Variants in SPPL2A observed in about 807,000 individuals in gnomAD.
The protein encoded by SPPL2A is signal peptide peptidase-like 2A.
Under a neutral mutation model 63.8 loss-of-function variants are expected in SPPL2A, and 51 were observed. That is an observed-to-expected ratio of 0.80 (90% CI 0.64 to 1.01). SPPL2A has a LOEUF of 1.01. Ranked by LOEUF, SPPL2A falls within the 50% of genes least tolerant of loss-of-function variation. The pLI, the probability that SPPL2A is intolerant of heterozygous loss-of-function variation, is 0.00. For synonymous variants in SPPL2A, 188 were observed against 205.8 expected, an observed-to-expected ratio of 0.91 and a Z score of 0.74; for missense variants, 553 against 622.7, an observed-to-expected ratio of 0.89 and a Z score of 1.19.
chr15:50,728,563 GTC>G (rs1469670471), intron 10 of SPPL2A, among the ~76,000 whole-genome samples: 1 of 151,832 alleles, frequency 6.6e-6, no homozygotes, highest in Admixed American at 6.6e-5. Context: ...AGCCAGGATG[GTC>G]TCAATCTCCT....
chr15:50,765,074 C>T (rs1190120557), intron 1 of SPPL2A, among the ~76,000 whole-genome samples: 4 of 151,806 alleles, frequency 2.6e-5, no homozygotes, highest in Non-Finnish European at 5.9e-5. Flanking sequence ...TTTTTTTCTT[C>T]CCAAGGGTAA....
chr15:50,739,435 T>A (rs1271758709), intron 6 of SPPL2A, among the ~76,000 whole-genome samples: 1 of 152,048 alleles, frequency 6.6e-6, no homozygotes, highest in Non-Finnish European at 1.5e-5. Context: ...CACTTTGGCC[T>A]CCCAAAGTGC....
intron 8 of SPPL2A, among the ~76,000 whole-genome samples, chr15:50,735,226 T>C (rs865826693): frequency 4.6e-5 from 7 of 152,132 alleles, no homozygotes; most frequent in Non-Finnish European, 7.4e-5. Flanking sequence ...CTTTTGTATC[T>C]GACTACTTTC....
At chr15:50,723,179 C>T (rs547200581) in intron 12 of SPPL2A, among the ~76,000 whole-genome samples, 18 of 152,070 alleles carry the variant, frequency 1.2e-4, no homozygotes, top group Non-Finnish European at 2.4e-4. Context: ...AGACGATGTA[C>T]CAAAAGGGAA....
chr15:50,730,859 G>A, intron 10 of SPPL2A, 106 bp downstream of exon 10: 1 of 606,766 alleles, frequency 1.6e-6, no homozygotes, highest in South Asian at 1.8e-5. Flanking sequence ...AAGAGAATTA[G>A]AATTCACTCA....
intron 13 of SPPL2A, among the ~76,000 whole-genome samples, chr15:50,720,503 A>T (rs1033535810): frequency 9.0e-5 from 13 of 145,170 alleles, no homozygotes; most frequent in Admixed American, 8.3e-4. Context: ...ATAAGCACAT[A>T]CTTTTGAACT....
chr15:50,710,699 T>C (rs1297312225), intron 14 of SPPL2A, among the ~76,000 whole-genome samples: 1 of 152,214 alleles, frequency 6.6e-6, no homozygotes, highest in Non-Finnish European at 1.5e-5. Context: ...CACTCATTAA[T>C]GCAGGGTAAC....
At chr15:50,765,383 G>T in intron 1 of SPPL2A, 85 bp downstream of exon 1, 2 of 1,074,480 alleles carry the variant, frequency 1.9e-6, no homozygotes, top group Non-Finnish European at 2.6e-6. Flanking sequence ...GGGAGGCCGG[G>T]CGAGGAGTAG....
Position 50,765,669 on chromosome 15 carries a change from A to C in SPPL2A, c.-136T>G. On this transcript the variant is annotated 5_prime_UTR_variant, in exon 1 of 15. Coordinates refer to ENST00000261854, the MANE Select transcript of SPPL2A (RefSeq NM_032802.4). ...GCGCGGGCGGCCGGGCTACGACTGG[A>C]CCGCCGCTGCTACAGCGGCCGCCAC... is the stretch of plus-strand genomic sequence containing the variant. 2.1e-6 allele frequency: 1 copy of C among 477,668 alleles called. No individual in the cohort carries two copies. Among genetic ancestry groups the C allele is most frequent in the Non-Finnish European group, 3.4e-6 (1 of 294,384 alleles). The allele number at this position is 477,668 out of a possible 1,614,324, so 29.6% of individuals were successfully genotyped here.
intron 6 of SPPL2A, among the ~76,000 whole-genome samples, chr15:50,737,101 G>A (rs538224641): frequency 2.6e-5 from 4 of 152,098 alleles, no homozygotes; most frequent in African/African-American, 7.2e-5. Context: ...TTTAGTAGAC[G>A]GGGTTTTGTC....
intron 6 of SPPL2A, among the ~76,000 whole-genome samples, 196 bp from the exon 7 acceptor site, chr15:50,736,936 C>G (rs1465623029): frequency 6.7e-6 from 1 of 149,768 alleles, no homozygotes; most frequent in African/African-American, 2.4e-5. Context: ...GAGAGTCTCA[C>G]TCTGTCGCCC....
intron 6 of SPPL2A, 106 bp from the exon 7 acceptor site, chr15:50,736,846 T>A: frequency 3.4e-6 from 2 of 581,096 alleles, no homozygotes; most frequent in South Asian, 4.5e-5. Flanking sequence ...GAATCATACT[T>A]CCAATGAAGT....
In SPPL2A at chr15:50,711,511, C is replaced by A. The variant is rs116142061; in HGVS notation, c.1489-3637G>T. ...CAGGCGTGAGCCACCGCGCCCAGGC[C>A]AAATTAGTATTATTTTAGTGAAACC... On this transcript the variant is annotated intron_variant, in intron 14 of 14. Transcript: ENST00000261854. Among the ~76,000 whole-genome samples, 901 of 152,194 alleles carry A rather than the reference C, an allele frequency of 5.9e-3. 15 individuals carry two copies. Among genetic ancestry groups the A allele is most frequent in the African/African-American group, 0.021 (866 of 41,538 alleles).
At chr15:50,716,853 AT>A (rs1003944532) in intron 14 of SPPL2A, among the ~76,000 whole-genome samples, 1 of 152,148 alleles carries the variant, frequency 6.6e-6, no homozygotes, top group Non-Finnish European at 1.5e-5. Flanking sequence ...CCAATTATCT[AT>A]CTCTAGCCAG....
intron 14 of SPPL2A, among the ~76,000 whole-genome samples, chr15:50,709,737 C>T (rs1008903220): frequency 4.6e-5 from 7 of 151,862 alleles, no homozygotes; most frequent in African/African-American, 1.7e-4. Flanking sequence ...CTTTGCTGAC[C>T]CAAGATCGCG....
At chr15:50,734,136 C>T (rs2062751597) in intron 8 of SPPL2A, among the ~76,000 whole-genome samples, 1 of 152,060 alleles carries the variant, frequency 6.6e-6, no homozygotes, top group Non-Finnish European at 1.5e-5. Flanking sequence ...AGCAATCCCG[C>T]CATTGGATAT....
At position 50,765,449 on chromosome 15, in the gene SPPL2A, C is replaced by A; in HGVS notation, c.66+19G>T. ...CCGCCCAGCCCCTGGGAGGCCTGCG[C>A]GCCTTCCCGCCCCCTTACCAGCTGG... is the stretch of plus-strand genomic sequence containing the variant. On this transcript the variant is annotated intron_variant, in intron 1 of 14. Coordinates refer to ENST00000261854, the MANE Select transcript of SPPL2A (RefSeq NM_032802.4). The A allele has an allele frequency of 2.0e-6, 3 of 1,498,490 alleles. No homozygotes were observed. Among genetic ancestry groups the A allele is most frequent in the Non-Finnish European group, 2.7e-6 (3 of 1,130,860 alleles). The allele number at this position is 1,498,490 out of a possible 1,614,324, so 92.8% of individuals were successfully genotyped here.
chr15:50,725,958 C>T, intron 11 of SPPL2A: 1 of 489,280 alleles, frequency 2.0e-6, no homozygotes. Context: ...ACATAGAAAA[C>T]AGAACAGGCC....
In SPPL2A at chr15:50,715,680, AAC is replaced by A. The variant is rs551594650; in HGVS notation, c.1488+4258_1488+4259del. ...ACACTTTTGTATTGCTTATTTTAAA[AAC>A]ACAAATATGCACTAATTTGTAATTA... On this transcript the variant is annotated intron_variant, in intron 14 of 14. Transcript: ENST00000261854. Among the ~76,000 whole-genome samples, 463 of 152,306 alleles carry A rather than the reference AAC, an allele frequency of 3.0e-3. 1 individual carries two copies. Among genetic ancestry groups the A allele is most frequent in the African/African-American group, 0.011 (456 of 41,570 alleles).
Sources: allele counts gnomAD v4.1 joint callset (sites outside exome capture counted in the v4.1 genomes callset), GRCh38; gene constraint gnomAD v4.1.1; transcripts MANE v1.5; gene names NCBI Gene and HGNC (gene_info 2026-07-23, HGNC 2026-07-21).